The following ZNF804B variants were observed in gnomAD, a reference collection of about 807,000 sequenced individuals.
ZNF804B encodes zinc finger 804B.
ZNF804B carries 80 observed loss-of-function variants against 101.4 expected under a neutral mutation model. The ratio of observed to expected loss-of-function variants is 0.79; its 90% confidence interval spans 0.66 to 0.95. ZNF804B has a LOEUF of 0.95. Among genes scored for constraint, ZNF804B ranks in the 40% least tolerant of loss-of-function variants. The pLI is 0.00. For synonymous variants in ZNF804B, 622 were observed against 558.8 expected (o/e 1.11, Z -1.59); for missense variants, 1,673 against 1,561.9 (o/e 1.07, Z -1.20).
At chr7:88,925,326 C>T (rs1015001565) in intron 1 of ZNF804B, among the ~76,000 whole-genome samples, 5 of 152,098 alleles carry the variant, frequency 3.3e-5, no homozygotes, top group African/African-American at 1.2e-4. Context: ...CTTGTTCCCC[C>T]AAATTCATAT....
chr7:88,828,476 C>G (rs914802448), intron 1 of ZNF804B, among the ~76,000 whole-genome samples: 1 of 152,018 alleles, frequency 6.6e-6, no homozygotes, highest in Non-Finnish European at 1.5e-5. Context: ...GGATCCTCCT[C>G]TCTGCCTCTA....
chr7:89,121,708 C>T (rs1790408637), intron 1 of ZNF804B, among the ~76,000 whole-genome samples: 1 of 152,060 alleles, frequency 6.6e-6, no homozygotes, highest in African/African-American at 2.4e-5. Context: ...AAGATTTACC[C>T]AGAGGTATAG....
chr7:88,950,191 T>A (rs1793196540), intron 1 of ZNF804B, among the ~76,000 whole-genome samples: 1 of 151,956 alleles, frequency 6.6e-6, no homozygotes, highest in Non-Finnish European at 1.5e-5. Context: ...CGTTGTTATC[T>A]GCAGCAGTAG....
intron 1 of ZNF804B, among the ~76,000 whole-genome samples, chr7:88,811,650 G>A (rs547254717): frequency 6.6e-6 from 1 of 152,092 alleles, no homozygotes; most frequent in African/African-American, 2.4e-5. Context: ...CTATAAAAAA[G>A]AATGAAATCA....
At chr7:89,188,656 G>A (rs894834019) in intron 1 of ZNF804B, among the ~76,000 whole-genome samples, 2 of 152,096 alleles carry the variant, frequency 1.3e-5, no homozygotes, top group African/African-American at 2.4e-5. Flanking sequence ...GTGAACACAC[G>A]AATGATGAAA....
chr7:89,191,765 A>G (rs2115615440), intron 1 of ZNF804B, among the ~76,000 whole-genome samples: 1 of 152,264 alleles, frequency 6.6e-6, no homozygotes, highest in Admixed American at 6.5e-5. Flanking sequence ...AACAGCCTGT[A>G]TGAAAACGGA....
At chr7:88,811,178 A>G (rs1453856290) in intron 1 of ZNF804B, among the ~76,000 whole-genome samples, 1 of 152,194 alleles carries the variant, frequency 6.6e-6, no homozygotes, top group Admixed American at 6.5e-5. Context: ...AGATCCTGCC[A>G]TTACATCAAA....
At position 89,268,891 on chromosome 7, in the gene ZNF804B, A is replaced by G. The variant is rs140416639; in HGVS notation, c.249+50596A>G. On this transcript the variant is annotated intron_variant, in intron 2 of 3. Transcript: ENST00000333190. ...TTTAGACAAGTGCTGTATAAAGAGA[A>G]GACTCAGATCAGGCAGATGGTGCCT... Among the ~76,000 whole-genome samples, 280 of 152,264 alleles carry G rather than the reference A, an allele frequency of 1.8e-3. 1 individual carries two copies. Among genetic ancestry groups the G allele is most frequent in the African/African-American group, 6.5e-3 (269 of 41,566 alleles).
chr7:89,118,090 GA>G (rs1254130704), intron 1 of ZNF804B, among the ~76,000 whole-genome samples: 1 of 152,094 alleles, frequency 6.6e-6, no homozygotes, highest in Non-Finnish European at 1.5e-5. Context: ...AAAGAAACTG[GA>G]TGAACCTTCT....
chr7:88,874,494 C>T (rs1791891881), intron 1 of ZNF804B, among the ~76,000 whole-genome samples: 1 of 152,084 alleles, frequency 6.6e-6, no homozygotes, highest in Admixed American at 6.6e-5. Context: ...CTGGCTAGAA[C>T]TTCCAACACT....
chr7:89,179,259 T>C (rs1050307616), intron 1 of ZNF804B, among the ~76,000 whole-genome samples: 5 of 152,198 alleles, frequency 3.3e-5, no homozygotes, highest in Non-Finnish European at 5.9e-5. Flanking sequence ...TCTACTCCAA[T>C]CTCTCTACTT....
At chr7:89,005,535 A>G (rs1421187324) in intron 1 of ZNF804B, among the ~76,000 whole-genome samples, 1 of 152,122 alleles carries the variant, frequency 6.6e-6, no homozygotes, top group Non-Finnish European at 1.5e-5. Context: ...GAGATAATAA[A>G]ATTATTCATT....
chr7:89,257,451 A>G (rs1271465283), intron 2 of ZNF804B, among the ~76,000 whole-genome samples: 1 of 152,070 alleles, frequency 6.6e-6, no homozygotes, highest in African/African-American at 2.4e-5. Context: ...TCCTAATTTA[A>G]TGCATTATCT....
At chr7:89,061,148 T>C (rs1789372935) in intron 1 of ZNF804B, among the ~76,000 whole-genome samples, 1 of 152,156 alleles carries the variant, frequency 6.6e-6, no homozygotes, top group Non-Finnish European at 1.5e-5. Context: ...TGTTTATGCT[T>C]GCAAAATATG....
chr7:88,905,947 A>G (rs1328020236), intron 1 of ZNF804B, among the ~76,000 whole-genome samples: 1 of 146,336 alleles, frequency 6.8e-6, no homozygotes, highest in Non-Finnish European at 1.5e-5. Context: ...TACTGATTCA[A>G]TTTCAGAATT....
intron 1 of ZNF804B, among the ~76,000 whole-genome samples, chr7:89,037,171 C>T (rs1050264900): frequency 1.1e-4 from 17 of 152,224 alleles, no homozygotes; most frequent in African/African-American, 3.4e-4. Flanking sequence ...GCAATGCTCA[C>T]ATTTCAGTAG....
Position 89,149,089 on chromosome 7 carries a change from A to G in ZNF804B, c.109-69066A>G, listed in dbSNP as rs539328427. ...ATCAGAAGGTTACCACCAAGCTGAA[A>G]CTGAAATAGTCTCCACTGACCCCAT... On this transcript the variant is annotated intron_variant, in intron 1 of 3. Transcript: ENST00000333190. Among the ~76,000 whole-genome samples, 8 of 152,198 alleles carry G rather than the reference A, an allele frequency of 5.3e-5. No homozygotes were observed. In the South Asian group the frequency reaches 1.7e-3, roughly 32 times the overall value.
chr7:89,266,877 T>TTGTGTGTGTGTGTA (rs1789803775), intron 2 of ZNF804B, among the ~76,000 whole-genome samples: 2 of 150,984 alleles, frequency 1.3e-5, no homozygotes, highest in South Asian at 4.2e-4. Context: ...GTGTCTGTGT[T>TTGTGTGTGTGTGTA]TGTGTGTGTG....
At chr7:88,787,706 G>A (rs1414110683) in intron 1 of ZNF804B, among the ~76,000 whole-genome samples, 2 of 152,168 alleles carry the variant, frequency 1.3e-5, no homozygotes, top group Admixed American at 1.3e-4. Context: ...TGAGGAAACT[G>A]AGGTACAGAA....
Sources: gnomAD v4.1 joint callset for allele counts (sites outside exome capture counted in the v4.1 genomes callset) on GRCh38, gnomAD v4.1.1 for gene constraint, MANE v1.5 for transcripts, NCBI Gene and HGNC (gene_info 2026-07-23, HGNC 2026-07-21) for gene names.